TTC28: variants seen among roughly 807,000 people sequenced by gnomAD.
The protein encoded by TTC28 is tetratricopeptide repeat protein 28.
Under a neutral mutation model 198.0 loss-of-function variants are expected in TTC28, and 61 were observed. That is an observed-to-expected ratio of 0.31 (90% CI 0.25 to 0.38). TTC28 has a LOEUF of 0.38. Ranked by LOEUF, TTC28 falls within the 10% of genes least tolerant of loss-of-function variation. TTC28 has a pLI of 1.00. For missense variants in TTC28, 2,678 were observed against 3,164.0 expected, an observed-to-expected ratio of 0.85 and a Z score of 3.69; for synonymous variants, 1,171 against 1,297.8, an observed-to-expected ratio of 0.90 and a Z score of 2.10.
chr22:28,482,239 G>A (rs563299194), intron 2 of TTC28, among the ~76,000 whole-genome samples: 1 of 103,708 alleles, frequency 9.6e-6, no homozygotes, highest in African/African-American at 3.6e-5. Context: ...TTTTTGAGAC[G>A]GAGTCTCTCT....
intron 6 of TTC28, among the ~76,000 whole-genome samples, chr22:28,136,066 A>G (rs976641559): frequency 6.6e-6 from 1 of 152,226 alleles, no homozygotes; most frequent in African/African-American, 2.4e-5. Flanking sequence ...CAGTTGCTAT[A>G]AAAGTTTCAA....
intron 5 of TTC28, among the ~76,000 whole-genome samples, chr22:28,245,606 C>G (rs750432230): frequency 5.3e-5 from 8 of 152,154 alleles, no homozygotes; most frequent in Non-Finnish European, 7.4e-5. Context: ...TTACAATGTT[C>G]TTAGCCAAAG....
At chr22:28,611,209 A>G (rs2050812415) in intron 2 of TTC28, among the ~76,000 whole-genome samples, 1 of 152,248 alleles carries the variant, frequency 6.6e-6, no homozygotes, top group African/African-American at 2.4e-5. Context: ...CAGGAAATAC[A>G]GAGAACACCA....
chr22:28,259,070 A>T (rs1282844681), intron 5 of TTC28, among the ~76,000 whole-genome samples: 2 of 152,184 alleles, frequency 1.3e-5, no homozygotes, highest in Non-Finnish European at 2.9e-5. Flanking sequence ...GTTGTCTATC[A>T]GTGGGGAAGT....
At chr22:28,324,407 TA>T (rs1246972502) in intron 2 of TTC28, among the ~76,000 whole-genome samples, 1 of 143,190 alleles carries the variant, frequency 7.0e-6, no homozygotes, top group Non-Finnish European at 1.5e-5. Context: ...ATCATCCTGA[TA>T]CCAAAACCTG....
At chr22:28,260,319 A>C (rs1931231788) in intron 5 of TTC28, among the ~76,000 whole-genome samples, 1 of 152,190 alleles carries the variant, frequency 6.6e-6, no homozygotes, top group Non-Finnish European at 1.5e-5. Flanking sequence ...TACTATATCC[A>C]TTCTATTTAG....
At chr22:28,279,461 C>G (rs959050982) in intron 5 of TTC28, among the ~76,000 whole-genome samples, 1 of 152,306 alleles carries the variant, frequency 6.6e-6, no homozygotes, top group African/African-American at 2.4e-5. Context: ...ACCTCCTCTT[C>G]CTGAGTTCAA....
At chr22:28,629,316 T>G (rs1010450511) in intron 2 of TTC28, 5 of 471,598 alleles carry the variant, frequency 1.1e-5, no homozygotes, top group Non-Finnish European at 1.8e-5. Flanking sequence ...TAAAAAAAAA[T>G]TTAAATCTCA....
intron 5 of TTC28, among the ~76,000 whole-genome samples, chr22:28,169,109 A>C (rs972559173): frequency 2.0e-5 from 3 of 152,244 alleles, no homozygotes; most frequent in Non-Finnish European, 2.9e-5. Flanking sequence ...AATGCAAATC[A>C]AAACCACAAT....
rs527934504 is a variant in TTC28, at chr22:28,260,646, A to G, written c.933+35552T>C. On this transcript the variant is annotated intron_variant, in intron 5 of 22. Transcript: ENST00000397906. ...CAAACTTTGCAAAACAAAACAAACAACAGCAATAAAACCTTTCGCTAGAAA... is the reference window on the plus strand; with the variant it reads ...CAAACTTTGCAAAACAAAACAAACAGCAGCAATAAAACCTTTCGCTAGAAA... 1.2e-3 allele frequency among the ~76,000 whole-genome samples: 178 copies of G among 152,264 alleles called. 2 individuals are homozygous for G. The highest frequency in any genetic ancestry group is 2.2e-3 in the Non-Finnish European group (149 of 68,002).
intron 2 of TTC28, among the ~76,000 whole-genome samples, chr22:28,458,921 T>A (rs1366008380): frequency 6.6e-6 from 1 of 151,226 alleles, no homozygotes. Context: ...AATACCAATA[T>A]CAATGTGCTC....
chr22:28,481,246 T>C (rs1215351223), intron 2 of TTC28, among the ~76,000 whole-genome samples: 1 of 152,240 alleles, frequency 6.6e-6, no homozygotes, highest in South Asian at 2.1e-4. Context: ...ATTTTGGTTG[T>C]TCATTATTAA....
chr22:28,207,469 T>C (rs898736238), intron 5 of TTC28, among the ~76,000 whole-genome samples: 1 of 152,064 alleles, frequency 6.6e-6, no homozygotes, highest in Non-Finnish European at 1.5e-5. Context: ...CTATTTAATA[T>C]GAATGACCTC....
At chr22:28,085,308 ATC>A (rs1337002261) in intron 12 of TTC28, among the ~76,000 whole-genome samples, 3 of 152,176 alleles carry the variant, frequency 2.0e-5, no homozygotes, top group South Asian at 2.1e-4. Flanking sequence ...CTAACAGCTG[ATC>A]TCTCAGCAGA....
intron 12 of TTC28, among the ~76,000 whole-genome samples, chr22:28,031,030 C>T (rs6005698): frequency 3.9e-5 from 6 of 152,296 alleles, no homozygotes; most frequent in African/African-American, 1.2e-4. Context: ...TCATATTTCC[C>T]CTATGACAGA....
chr22:28,273,834 A>G (rs1376796796), intron 5 of TTC28, among the ~76,000 whole-genome samples: 1 of 152,208 alleles, frequency 6.6e-6, no homozygotes, highest in African/African-American at 2.4e-5. Context: ...CAAAAGAAAA[A>G]GCAAGAATAG....
chr22:28,613,511 G>A (rs2050853916), intron 2 of TTC28, among the ~76,000 whole-genome samples: 1 of 152,136 alleles, frequency 6.6e-6, no homozygotes, highest in Admixed American at 6.5e-5. Context: ...GAGAATTTTA[G>A]ACCAATATCC....
At chr22:28,400,000 G>A (rs1157023198) in intron 2 of TTC28, among the ~76,000 whole-genome samples, 1 of 152,196 alleles carries the variant, frequency 6.6e-6, no homozygotes, top group Non-Finnish European at 1.5e-5. Context: ...AGAAAGATCA[G>A]CACTGTATGT....
chr22:28,107,669 A>C lies in TTC28; in HGVS notation c.2176T>G (p.Cys726Gly). 1.9e-6 allele frequency: 3 copies of C among 1,551,786 alleles called. No homozygotes were observed. Among genetic ancestry groups the C allele is most frequent in the Non-Finnish European group, 2.6e-6 (3 of 1,147,008 alleles). The change falls in exon 7 of 23, where the codon TGT becomes GGT. Residue 726 changes from cysteine (C) to glycine (G), a missense_variant. This residue lies in a region of TTC28 where 775 missense variants were observed against 845.9 expected (regional missense o/e 0.92). Transcript: ENST00000397906. ...ATTGCACCATTTATATCTTTTTTAC[A>C]GATGAATATATCGCCCAGGTTTCCT... ...ALGNLGDIFI[C>G]KKDINGAIKF...
Sources: allele counts gnomAD v4.1 joint callset (sites outside exome capture counted in the v4.1 genomes callset), GRCh38; gene constraint gnomAD v4.1.1; regional missense constraint gnomAD v4.1.1; transcripts MANE v1.5; gene names NCBI Gene and HGNC (gene_info 2026-07-23, HGNC 2026-07-21).